Variants in MAN2A2 observed in about 807,000 individuals in gnomAD.
MAN2A2 encodes mannosidase alpha class 2A member 2.
Under a neutral mutation model 126.8 loss-of-function variants are expected in MAN2A2, and 79 were observed. The ratio of observed to expected loss-of-function variants is 0.62; its 90% CI spans 0.52 to 0.75. MAN2A2 has a LOEUF of 0.75. MAN2A2 is among the 30% of genes least tolerant of loss of function. The pLI is 0.00. For synonymous variants in MAN2A2, 671 were observed against 618.7 expected, an observed-to-expected ratio of 1.08 and a Z score of -1.25; for missense variants, 1,392 against 1,522.4, an observed-to-expected ratio of 0.91 and a Z score of 1.43.
chr15:90,916,087 T>TGG, intron 19 of MAN2A2, 36 bp from the exon 20 acceptor site: 1 of 1,537,648 alleles, frequency 6.5e-7, no homozygotes, highest in Non-Finnish European at 8.9e-7. Flanking sequence ...TGCTTGGGGG[T>TGG]GGGGGCGGGC....
intron 22 of MAN2A2, 69 bp downstream of exon 22, chr15:90,918,824 T>C: frequency 8.9e-7 from 1 of 1,121,062 alleles, no homozygotes; most frequent in Non-Finnish European, 1.3e-6. Flanking sequence ...GGGCTGAGAT[T>C]CGGTGACAGG....
At chr15:90,918,806 G>C in intron 22 of MAN2A2, 51 bp downstream of exon 22, 1 of 1,311,654 alleles carries the variant, frequency 7.6e-7, no homozygotes. Flanking sequence ...CATGAGCTTG[G>C]TAAGACTGGG....
intron 20 of MAN2A2, 73 bp from the exon 21 acceptor site, chr15:90,918,121 C>A: frequency 1.4e-6 from 2 of 1,433,192 alleles, no homozygotes; most frequent in Admixed American, 1.8e-5. Context: ...CCTGGGTGTG[C>A]TTTTATCCTG....
At position 90,922,076 on chromosome 15, in the gene MAN2A2, A is replaced by G. The variant is rs1002383806; in HGVS notation, c.*2289A>G. ...AGACTTAAAAGATATAATAAGGGAA[A>G]AGATAAGCAGATTTCGCAACCAAAA... On this transcript the variant is annotated 3_prime_UTR_variant, in exon 23 of 23. Coordinates refer to ENST00000559717, the MANE Select transcript of MAN2A2 (RefSeq NM_006122.4). The G allele has an allele frequency of 2.6e-5, 4 of 152,238 alleles. No individual in the cohort carries two copies. The highest frequency in any genetic ancestry group is 5.9e-5 in the Non-Finnish European group (4 of 68,046). 9.4% of individuals were successfully genotyped at this position (152,238 alleles called of 1,614,324 possible).
At chr15:90,907,196 T>C in intron 7 of MAN2A2, 113 bp from the exon 8 acceptor site, 1 of 1,096,564 alleles carries the variant, frequency 9.1e-7, no homozygotes, top group Non-Finnish European at 1.3e-6. Flanking sequence ...CAGCCCTAGG[T>C]CCAGTTACAG....
Position 90,913,745 on chromosome 15 carries a change from C to T in MAN2A2, c.2850C>T (p.Ser950=), listed in dbSNP as rs1007697415. ...LHTAQALGVS[S]LKDGQLEVIL... Reference sequence around the variant, plus strand: ...CTGCCCAGGCCCTGGGTGTCTCTAGCCTCAAAGATGGTGAGTAGGGCCCAG... The same window carrying T: ...CTGCCCAGGCCCTGGGTGTCTCTAGTCTCAAAGATGGTGAGTAGGGCCCAG... Residue 950 remains serine (S), a synonymous_variant, in exon 19 of 23, where the codon AGC becomes AGT. Coordinates refer to ENST00000559717, the MANE Select transcript of MAN2A2 (RefSeq NM_006122.4). 9 of 1,594,592 alleles carry T rather than the reference C, an allele frequency of 5.6e-6. No homozygotes were observed. In the Admixed American group the frequency reaches 8.7e-5, roughly 15 times the overall value.
chr15:90,909,301 G>A lies in MAN2A2; in HGVS notation c.1197-26G>A, dbSNP rs1223863944. On this transcript the variant is annotated intron_variant, in intron 8 of 22. Transcript: ENST00000559717. ...CTTTTACTGATGAGACTTCGTGGTG[G>A]GCCCATGTTTTTTTTCCTGCCCCAG... is the stretch of plus-strand genomic sequence containing the variant. 1.0e-5 allele frequency: 16 copies of A among 1,593,242 alleles called. No individual in the cohort carries two copies. In the African/African-American group the frequency reaches 1.8e-4, roughly 17 times the overall value.
rs760803644 is a variant in MAN2A2, at chr15:90,911,542, G to A, written c.2101G>A (p.Val701Ile). ...WSSATEAVPD[V>I]YQVSVPVRLP... is the part of the protein sequence containing the mutation. ...CTCTGCCACCGAGGCGGTCCCTGAC[G>A]TCTACCAGGTGAGGTGTGGGCTTGT... Residue 701 changes from valine to isoleucine, a missense_variant, in exon 14 of 23, where the codon GTC (valine) becomes ATC (isoleucine). Transcript: ENST00000559717. 18 of 1,611,442 alleles carry A rather than the reference G, an allele frequency of 1.1e-5. No individual in the cohort carries two copies. The highest frequency in any genetic ancestry group is 5.3e-5 in the African/African-American group (4 of 74,898).
chr15:90,905,262 T>G lies in MAN2A2; in HGVS notation c.144T>G (p.Ser48=), dbSNP rs773818277. The G allele has an allele frequency of 6.2e-7, 1 of 1,612,626 alleles. No homozygotes were observed. Among genetic ancestry groups the G allele is most frequent in the Non-Finnish European group, 8.5e-7 (1 of 1,179,922 alleles). The change falls in exon 3 of 23, where the codon TCT becomes TCG. Residue 48 remains serine, a synonymous_variant. Coordinates refer to ENST00000559717, the MANE Select transcript of MAN2A2 (RefSeq NM_006122.4). ...NGGNFPRSQI[S]VLQNRIEQLE... ...TGGTTTTTTGGCAGAGCCAAATTTC[T>G]GTGCTGCAGAACCGCATTGAGCAGC...
At chr15:90,918,817 C>A in intron 22 of MAN2A2, 62 bp downstream of exon 22, 3 of 1,213,822 alleles carry the variant, frequency 2.5e-6, no homozygotes, top group South Asian at 1.3e-5. Flanking sequence ...TAAGACTGGG[C>A]TGAGATTCGG....
intron 10 of MAN2A2, 83 bp from the exon 11 acceptor site, chr15:90,910,418 G>T: frequency 6.3e-7 from 1 of 1,576,524 alleles, no homozygotes; most frequent in Non-Finnish European, 8.7e-7. Context: ...GGAGGGGTGG[G>T]AAGGAAGGAG....
At chr15:90,918,604 A>G (rs376523218) in intron 21 of MAN2A2, 41 bp from the exon 22 acceptor site, 7 of 1,400,546 alleles carry the variant, frequency 5.0e-6, no homozygotes, top group Middle Eastern at 1.8e-4. Flanking sequence ...CGATCTCTGA[A>G]AGCCCTGCGC....
rs2034974296 is a variant in MAN2A2, at chr15:90,913,889, C to A, written c.2860+134C>A. 16 of 1,213,342 alleles carry A rather than the reference C, an allele frequency of 1.3e-5. No individual in the cohort carries two copies. The Middle Eastern group carries it at 8.5e-4, about 64-fold the overall frequency. The allele number at this position is 1,213,342 out of a possible 1,614,324, so 75.2% of individuals were successfully genotyped here. ...ATCACCTCCATGCTTGGAGAGGGGG[C>A]AAGCCATTCAGAGCTCTTGGCACAG... On this transcript the variant is annotated intron_variant, in intron 19 of 22. Transcript: ENST00000559717.
chr15:90,909,973 T>A, intron 9 of MAN2A2, 117 bp from the exon 10 acceptor site: 2 of 848,372 alleles, frequency 2.4e-6, no homozygotes, highest in Non-Finnish European at 3.7e-6. Flanking sequence ...AATGGCAGGA[T>A]GTACAGTTCC....
At chr15:90,918,006 G>A (rs1167284722) in intron 20 of MAN2A2, among the ~76,000 whole-genome samples, 188 bp from the exon 21 acceptor site, 2 of 152,162 alleles carry the variant, frequency 1.3e-5, no homozygotes, top group African/African-American at 4.8e-5. Flanking sequence ...CTGCGTTAGG[G>A]GAGACGGCAA....
intron 18 of MAN2A2, 60 bp downstream of exon 18, chr15:90,913,466 C>A (rs887144176): frequency 6.3e-7 from 1 of 1,577,640 alleles, no homozygotes; most frequent in African/African-American, 1.4e-5. Flanking sequence ...TCTGCTTTTG[C>A]CCCTGTCACA....
At chr15:90,909,206 C>T (rs1339437281) in intron 8 of MAN2A2, 121 bp from the exon 9 acceptor site, 9 of 929,248 alleles carry the variant, frequency 9.7e-6, no homozygotes, top group East Asian at 7.9e-5. Flanking sequence ...TGTCTGTTTG[C>T]GCTGAACCAC....
At chr15:90,906,695 C>G in intron 6 of MAN2A2, 45 bp from the exon 7 acceptor site, 2 of 1,602,440 alleles carry the variant, frequency 1.2e-6, no homozygotes, top group Non-Finnish European at 1.7e-6. Context: ...GGGGCCAGCC[C>G]CTGAGGTGTG....
intron 14 of MAN2A2, 43 bp downstream of exon 14, chr15:90,911,593 C>T (rs549914653): frequency 1.4e-5 from 22 of 1,568,146 alleles, no homozygotes; most frequent in Non-Finnish European, 1.6e-5. Context: ...CTCTGCCCGT[C>T]GTGGGCCCCT....
Sources: allele counts gnomAD v4.1 joint callset (sites outside exome capture counted in the v4.1 genomes callset), GRCh38; gene constraint gnomAD v4.1.1; transcripts MANE v1.5; gene names NCBI Gene and HGNC (gene_info 2026-07-23, HGNC 2026-07-21).